Variants in ITGAM observed in about 807,000 individuals in gnomAD.
ITGAM encodes integrin subunit alpha M.
A neutral mutation model predicts 137.5 loss-of-function variants in ITGAM; 79 were observed. That is an observed-to-expected ratio of 0.57 (90% CI 0.48 to 0.69). The LOEUF (loss-of-function observed/expected upper bound fraction) is 0.69, where lower values mean the gene tolerates loss of function less well. ITGAM is among the 30% of genes least tolerant of loss of function. The pLI is 0.00. For synonymous variants in ITGAM, 583 were observed against 592.3 expected, an observed-to-expected ratio of 0.98 and a Z score of 0.23; for missense variants, 1,343 against 1,483.5, an observed-to-expected ratio of 0.91 and a Z score of 1.56.
Position 31,325,415 on chromosome 16 carries a change from C to A in ITGAM, c.2505+11C>A. 5.0e-6 allele frequency: 8 copies of A among 1,612,444 alleles called. No individual in the cohort carries two copies. Among genetic ancestry groups the A allele is most frequent in the Non-Finnish European group, 6.8e-6 (8 of 1,178,998 alleles). On this transcript the variant is annotated intron_variant, in intron 20 of 29. Transcript: ENST00000544665. ...GTGTCCACGCTCCAGGTAGCCACAT[C>A]CTTCTCAGGCTCTATCTGACCTTTG...
intron 23 of ITGAM, 135 bp downstream of exon 23, chr16:31,328,365 GGTGT>G (rs1264567251): frequency 4.2e-6 from 3 of 719,808 alleles, no homozygotes; most frequent in Admixed American, 2.1e-5. Flanking sequence ...TGTGTGCATG[GGTGT>G]GTATTTGGGC....
chr16:31,284,445 C>G (rs1450462221), intron 12 of ITGAM, among the ~76,000 whole-genome samples: 2 of 151,950 alleles, frequency 1.3e-5, no homozygotes, highest in African/African-American at 4.8e-5. Context: ...CCTCCCCCAG[C>G]CTCACTGCCA....
chr16:31,281,219 C>T (rs7199496), intron 12 of ITGAM, among the ~76,000 whole-genome samples: 26,545 of 151,950 alleles, frequency 0.17, 2,891 homozygotes, highest in African/African-American at 0.3. Flanking sequence ...GGTATCAGGA[C>T]GATGCTGGCC....
At chr16:31,329,073 T>TCTC in intron 23 of ITGAM, 155 bp from the exon 24 acceptor site, 88 of 426,166 alleles carry the variant, frequency 2.1e-4, no homozygotes, top group Middle Eastern at 1.2e-3. Flanking sequence ...ACACATTGGT[T>TCTC]CCCCCATCCC....
intron 11 of ITGAM, 89 bp from the exon 12 acceptor site, chr16:31,277,878 C>A: frequency 7.3e-7 from 1 of 1,366,088 alleles, no homozygotes; most frequent in Non-Finnish European, 1.0e-6. Context: ...AAGCGTGGGG[C>A]TGCCCCAGTG....
At chr16:31,314,061 T>G (rs1053505284) in intron 14 of ITGAM, among the ~76,000 whole-genome samples, 1 of 151,960 alleles carries the variant, frequency 6.6e-6, no homozygotes, top group East Asian at 1.9e-4. Flanking sequence ...CCTTTGCCCA[T>G]TTTTTGATGG....
At position 31,324,812 on chromosome 16, in the gene ITGAM, T is replaced by C. The variant is rs1301658795; in HGVS notation, c.2289+30T>C. 1 of 1,553,056 alleles carries C rather than the reference T, an allele frequency of 6.4e-7. No individual in the cohort carries two copies. Among genetic ancestry groups the C allele is most frequent in the Non-Finnish European group, 8.7e-7 (1 of 1,152,230 alleles). On this transcript the variant is annotated intron_variant, in intron 18 of 29. Coordinates refer to ENST00000544665, the MANE Select transcript of ITGAM (RefSeq NM_000632.4). The surrounding 1 kb of genome is among the most constrained non-coding windows in gnomAD (Gnocchi z 4.5). Reference sequence around the variant, plus strand: ...GTCCAGAGTTGGGGTCCTGCAGGGGTGTGGAAGAGACCAGAGACCAAGGTG... The same window carrying C: ...GTCCAGAGTTGGGGTCCTGCAGGGGCGTGGAAGAGACCAGAGACCAAGGTG...
At chr16:31,310,151 G>A (rs939309037) in intron 14 of ITGAM, among the ~76,000 whole-genome samples, 4 of 151,774 alleles carry the variant, frequency 2.6e-5, no homozygotes, top group African/African-American at 9.7e-5. Context: ...TTCAACTTTG[G>A]TGAATCTGAC....
chr16:31,269,138 C>T (rs961389478), intron 5 of ITGAM, among the ~76,000 whole-genome samples: 32 of 151,964 alleles, frequency 2.1e-4, no homozygotes, highest in Admixed American at 1.9e-3. Context: ...CATCGGGAGT[C>T]GGAGCTGTCT....
chr16:31,326,975 C>A, intron 22 of ITGAM, 40 bp downstream of exon 22: 1 of 1,459,662 alleles, frequency 6.9e-7, no homozygotes, highest in South Asian at 1.1e-5. Flanking sequence ...AGTTGCCCGT[C>A]TGACGCCCCA....
rs760058482 is a variant in ITGAM at position 31,275,695 on chromosome 16, C to T, written c.1005C>T (p.Ile335=). The T allele has an allele frequency of 8.8e-5, 142 of 1,613,542 alleles. 1 individual carries two copies. The South Asian group carries it at 1.4e-3, about 16-fold the overall frequency. ...QNQLREKIFA[I]EGTQTGSSSS... The stretch of plus-strand genomic sequence containing the variant: ...AGCTTCGGGAGAAGATCTTTGCGAT[C>T]GAGGGTGAGTCAGGCATCTGTGTTC... The change falls in exon 9 of 30, where the codon ATC becomes ATT. Residue 335 remains isoleucine, a synonymous_variant. Transcript: ENST00000544665.
chr16:31,314,336 T>C (rs1430386075), intron 14 of ITGAM, among the ~76,000 whole-genome samples: 1 of 152,152 alleles, frequency 6.6e-6, no homozygotes, highest in Non-Finnish European at 1.5e-5. Flanking sequence ...CTGCCTAGGT[T>C]TTATTCTAGG....
At chr16:31,328,086 G>A (rs1049185615) in intron 22 of ITGAM, 61 bp from the exon 23 acceptor site, 16 of 1,263,812 alleles carry the variant, frequency 1.3e-5, no homozygotes, top group Admixed American at 1.2e-4. Flanking sequence ...GAGGGAGAGG[G>A]AGGAGCAAAG....
chr16:31,265,698 C>A, intron 3 of ITGAM, 113 bp from the exon 4 acceptor site: 1 of 913,026 alleles, frequency 1.1e-6, no homozygotes, highest in South Asian at 1.6e-5. Context: ...TTTAGGATCC[C>A]CCTTCACCGT....
At chr16:31,280,979 G>A (rs1000400316) in intron 12 of ITGAM, among the ~76,000 whole-genome samples, 6 of 152,098 alleles carry the variant, frequency 3.9e-5, no homozygotes, top group Middle Eastern at 3.2e-3. Context: ...AGATAATCAC[G>A]TGGTTTTTGT....
intron 2 of ITGAM, among the ~76,000 whole-genome samples, chr16:31,264,521 G>A (rs1310825067): frequency 6.6e-6 from 1 of 152,104 alleles, no homozygotes; most frequent in African/African-American, 2.4e-5. Flanking sequence ...GCTCATGCCT[G>A]TAATTCTAAC....
intron 12 of ITGAM, among the ~76,000 whole-genome samples, chr16:31,280,711 C>T (rs1447145706): frequency 4.0e-5 from 6 of 151,746 alleles, no homozygotes; most frequent in Non-Finnish European, 8.8e-5. Flanking sequence ...CCCTTTATTT[C>T]TTTCTCCTGC....
In ITGAM at chr16:31,266,063, G is replaced by A; in HGVS notation, c.343G>A (p.Glu115Lys). 1.2e-6 allele frequency: 2 copies of A among 1,613,928 alleles called. No individual in the cohort carries two copies. Among genetic ancestry groups the A allele is most frequent in the South Asian group, 2.2e-5 (2 of 91,082 alleles). ...CGPTVHQTCS[E>K]NTYVKGLCFL... ...TCCCACCGTGCACCAGACTTGCAGT[G>A]AGAACACGTATGTGAAAGGGCTCTG... The change falls in exon 5 of 30, where the codon GAG becomes AAG. Residue 115 changes from glutamate (E) to lysine (K), a missense_variant. Transcript: ENST00000544665.
chr16:31,328,748 G>A (rs2080539261), intron 23 of ITGAM, among the ~76,000 whole-genome samples: 1 of 147,226 alleles, frequency 6.8e-6, no homozygotes, highest in Non-Finnish European at 1.5e-5. Context: ...GCGTATGTCT[G>A]AAGGTCTATG....
Sources: allele counts gnomAD v4.1 joint callset (sites outside exome capture counted in the v4.1 genomes callset), GRCh38; gene constraint gnomAD v4.1.1; non-coding constraint Gnocchi (gnomAD v3.1); transcripts MANE v1.5; gene names NCBI Gene and HGNC (gene_info 2026-07-23, HGNC 2026-07-21).